XIRP2: variants seen among roughly 807,000 people sequenced by gnomAD.
The protein encoded by XIRP2 is xin actin-binding repeat-containing protein 2.
XIRP2 carries 236 observed loss-of-function variants against 277.0 expected under a neutral mutation model. The ratio of observed to expected loss-of-function variants is 0.85; its 90% confidence interval spans 0.77 to 0.95. The LOEUF (loss-of-function observed/expected upper bound fraction) is 0.95. Among genes scored for constraint, XIRP2 ranks in the 40% least tolerant of loss-of-function variants. The pLI, the probability that XIRP2 is intolerant of heterozygous loss-of-function variation, is 0.00. For missense variants in XIRP2, 4,640 were observed against 4,157.5 expected, an observed-to-expected ratio of 1.12 and a Z score of -3.19; for synonymous variants, 1,490 against 1,416.5, an observed-to-expected ratio of 1.05 and a Z score of -1.17.
intron 5 of XIRP2, among the ~76,000 whole-genome samples, chr2:167,232,563 G>A (rs1450988732): frequency 6.6e-6 from 1 of 151,892 alleles, no homozygotes; most frequent in Non-Finnish European, 1.5e-5. Flanking sequence ...TCAGTCTTTT[G>A]GAGGGCCTTG....
intron 2 of XIRP2, among the ~76,000 whole-genome samples, chr2:167,102,031 C>A (rs1690500308): frequency 6.6e-6 from 1 of 152,130 alleles, no homozygotes; most frequent in Admixed American, 6.5e-5. Flanking sequence ...AATGAGAACT[C>A]ATTTGAGCAA....
intron 4 of XIRP2, among the ~76,000 whole-genome samples, chr2:167,217,461 A>T (rs1250461556): frequency 6.6e-6 from 1 of 152,060 alleles, no homozygotes; most frequent in Non-Finnish European, 1.5e-5. Context: ...CTTTGAGGAC[A>T]GTAATGAAGA....
chr2:167,208,753 C>T (rs1693933097), intron 3 of XIRP2, among the ~76,000 whole-genome samples: 1 of 150,946 alleles, frequency 6.6e-6, no homozygotes, highest in African/African-American at 2.4e-5. Flanking sequence ...AAATTTTAAC[C>T]AAAAAAAAGC....
Position 167,246,031 on chromosome 2 carries a change from A to G in XIRP2, c.4639A>G (p.Ile1547Val). ...TGAAACTAGAGTAGAAAAGATAGAA[A>G]TTATTGGCAAGAGCATTAAAGAAAC... ...FNETRVEKIE[I>V]IGKSIKETLE... Residue 1547 changes from isoleucine to valine, a missense_variant, in exon 9 of 11, where the codon ATT (isoleucine) becomes GTT (valine). Ile to Val is a conservative substitution (Grantham distance 29, BLOSUM62 3). Transcript: ENST00000409195. 1 of 1,613,374 alleles carries G rather than the reference A, an allele frequency of 6.2e-7. No homozygotes were observed. The highest frequency in any genetic ancestry group is 8.5e-7 in the Non-Finnish European group (1 of 1,179,706).
At chr2:167,129,581 A>C (rs933892917) in intron 2 of XIRP2, among the ~76,000 whole-genome samples, 1 of 152,122 alleles carries the variant, frequency 6.6e-6, no homozygotes, top group East Asian at 1.9e-4. Flanking sequence ...TAAAGCAATA[A>C]ATATATATAA....
rs772039566 is a variant in XIRP2, at chr2:167,258,569, G to GA, written c.*758dup. 20 of 1,612,938 alleles carry GA rather than the reference G, an allele frequency of 1.2e-5. No homozygotes were observed. The highest frequency in any genetic ancestry group is 1.6e-5 in the Non-Finnish European group (19 of 1,179,510). On this transcript the variant is annotated 3_prime_UTR_variant, in exon 11 of 11. Coordinates refer to ENST00000409195, the MANE Select transcript of XIRP2 (RefSeq NM_152381.6). ...GCAGAGTGCTGAAAAGGAGAAAAAT[G>GA]AAAAAACTAACCAAACTAATGGTGC...
In XIRP2 at chr2:167,017,169, G is replaced by A. The variant is rs540133104; in HGVS notation, c.408+113279G>A. On this transcript the variant is annotated intron_variant, in intron 2 of 10. Coordinates refer to ENST00000409195, the MANE Select transcript of XIRP2 (RefSeq NM_152381.6). ...CATGAAAAGATTCTGGAAGTAGAAG[G>A]TGAGTCAGACAAACTACAGCTCCCA... Among the ~76,000 whole-genome samples the A allele has an allele frequency of 3.3e-5, 5 of 152,002 alleles. No individual in the cohort carries two copies. In the South Asian group the frequency reaches 1.0e-3, roughly 32 times the overall value.
intron 2 of XIRP2, among the ~76,000 whole-genome samples, chr2:167,129,802 A>G (rs986761712): frequency 2.0e-5 from 3 of 151,144 alleles, no homozygotes; most frequent in Admixed American, 6.6e-5. Flanking sequence ...CCTGGGAGGC[A>G]GAGATTGTGG....
In XIRP2 at chr2:167,244,244, T is replaced by C; in HGVS notation, c.2852T>C (p.Ile951Thr). ...DRGDVKNYTH[I>T]FESNNLIKFD... ...GGAGATGTGAAGAATTACACACATATCTTTGAATCAAACAATTTAATTAAA... is the reference window on the plus strand; with the variant it reads ...GGAGATGTGAAGAATTACACACATACCTTTGAATCAAACAATTTAATTAAA... Residue 951 changes from isoleucine (I) to threonine (T), a missense_variant, in exon 9 of 11, where the codon ATC (isoleucine) becomes ACC (threonine). Physicochemically the swap from Ile to Thr is moderately conservative, Grantham distance 89. Coordinates refer to ENST00000409195, the MANE Select transcript of XIRP2 (RefSeq NM_152381.6). The C allele has an allele frequency of 1.2e-6, 2 of 1,613,722 alleles. No individual in the cohort carries two copies. The highest frequency in any genetic ancestry group is 8.5e-7 in the Non-Finnish European group (1 of 1,179,854).
At chr2:167,101,439 A>G (rs1280212521) in intron 2 of XIRP2, among the ~76,000 whole-genome samples, 1 of 152,152 alleles carries the variant, frequency 6.6e-6, no homozygotes, top group Non-Finnish European at 1.5e-5. Context: ...TATACACTGT[A>G]CCCAATTTGT....
Position 167,067,528 on chromosome 2 carries a change from A to G in XIRP2, c.409-68381A>G, listed in dbSNP as rs189557327. On this transcript the variant is annotated intron_variant, in intron 2 of 10. Coordinates refer to ENST00000409195, the MANE Select transcript of XIRP2 (RefSeq NM_152381.6). ...CAATAAAGTGAATGTTGCAAGTCAC[A>G]TAATTTGATGGTTTCCCAGTTCATA... 5.7e-4 allele frequency among the ~76,000 whole-genome samples: 87 copies of G among 152,306 alleles called. 1 individual carries two copies. Among genetic ancestry groups the G allele is most frequent in the East Asian group, 1.9e-4 (1 of 5,190 alleles).
intron 2 of XIRP2, among the ~76,000 whole-genome samples, chr2:166,947,226 A>G (rs2105390813): frequency 6.6e-6 from 1 of 152,320 alleles, no homozygotes; most frequent in African/African-American, 2.4e-5. Context: ...ATCATTTTTT[A>G]TAGTACCTTT....
At chr2:167,228,398 T>A (rs1442575748) in intron 5 of XIRP2, among the ~76,000 whole-genome samples, 1 of 152,190 alleles carries the variant, frequency 6.6e-6, no homozygotes, top group Non-Finnish European at 1.5e-5. Flanking sequence ...GGGAACATGG[T>A]AGGCCATTCC....
chr2:167,244,705 T>C lies in XIRP2; in HGVS notation c.3313T>C (p.Ser1105Pro), dbSNP rs374366649. 10 of 1,612,778 alleles carry C rather than the reference T, an allele frequency of 6.2e-6. No individual in the cohort carries two copies. The highest frequency in any genetic ancestry group is 8.5e-6 in the Non-Finnish European group (10 of 1,179,576). ...GCTTTTTGAGACCCAGCCAATGGAG[T>C]CTCTTTATGAAAAAGTTTCGTTAAT... is the stretch of plus-strand genomic sequence containing the variant. The part of the protein sequence containing the change: ...KWLFETQPME[S>P]LYEKVSLMTS... The change falls in exon 9 of 11, where the codon TCT becomes CCT. Residue 1105 changes from serine (S) to proline (P), a missense_variant. Transcript: ENST00000409195.
intron 2 of XIRP2, among the ~76,000 whole-genome samples, chr2:167,059,033 CA>C (rs1558964757): frequency 6.8e-6 from 1 of 146,510 alleles, no homozygotes; most frequent in African/African-American, 2.5e-5. Flanking sequence ...AAATTCATCA[CA>C]AAAAAGAAAA....
chr2:167,137,845 C>T (rs980542290), intron 3 of XIRP2, among the ~76,000 whole-genome samples: 3 of 152,118 alleles, frequency 2.0e-5, no homozygotes, highest in Admixed American at 6.5e-5. Context: ...CTAATTCCTA[C>T]GTAGCAATAC....
chr2:167,161,227 A>G (rs1342155551), intron 3 of XIRP2, among the ~76,000 whole-genome samples: 1 of 152,204 alleles, frequency 6.6e-6, no homozygotes, highest in African/African-American at 2.4e-5. Context: ...AGACAATGCA[A>G]GCTGTCAGTG....
intron 3 of XIRP2, among the ~76,000 whole-genome samples, chr2:167,194,842 TTA>T (rs765787918): frequency 7.2e-5 from 11 of 152,186 alleles, no homozygotes; most frequent in Non-Finnish European, 1.6e-4. Flanking sequence ...GAATTTATCT[TTA>T]TAAAGTTCTA....
At chr2:167,084,698 A>G (rs1291409140) in intron 2 of XIRP2, among the ~76,000 whole-genome samples, 1 of 151,850 alleles carries the variant, frequency 6.6e-6, no homozygotes, top group Non-Finnish European at 1.5e-5. Flanking sequence ...GAATTTATCC[A>G]TTTCTGCTAG....
Sources: allele counts gnomAD v4.1 joint callset (sites outside exome capture counted in the v4.1 genomes callset), GRCh38; gene constraint gnomAD v4.1.1; transcripts MANE v1.5; gene names NCBI Gene and HGNC (gene_info 2026-07-23, HGNC 2026-07-21).